NEK6: variants seen among roughly 807,000 people sequenced by gnomAD.
NEK6 encodes the protein serine/threonine-protein kinase Nek6.
NEK6 carries 27 observed loss-of-function variants against 43.5 expected under a neutral mutation model. That is an observed-to-expected ratio of 0.62 (90% confidence interval 0.46 to 0.86). The LOEUF is 0.86. Ranked by LOEUF, NEK6 falls within the 40% of genes least tolerant of loss-of-function variation. NEK6 has a pLI of 0.00. For synonymous variants in NEK6, 167 were observed against 164.1 expected (o/e 1.02, Z -0.14); for missense variants, 318 against 414.4 (o/e 0.77, Z 2.02).
intron 1 of NEK6, among the ~76,000 whole-genome samples, chr9:124,260,388 T>A (rs1003066424): frequency 6.6e-6 from 1 of 152,064 alleles, no homozygotes; most frequent in Non-Finnish European, 1.5e-5. Flanking sequence ...CCATTTATTT[T>A]TATTTATTTA....
chr9:124,347,119 A>C (rs1266382237), intron 8 of NEK6, among the ~76,000 whole-genome samples: 1 of 152,190 alleles, frequency 6.6e-6, no homozygotes, highest in Non-Finnish European at 1.5e-5. Flanking sequence ...CAGGGGCAGG[A>C]GGCTGCCTCC....
chr9:124,336,582 G>A (rs1001337341), intron 7 of NEK6, among the ~76,000 whole-genome samples: 5 of 152,124 alleles, frequency 3.3e-5, no homozygotes, highest in Non-Finnish European at 7.3e-5. Context: ...CATGTCACAG[G>A]CCACATCTCA....
At chr9:124,308,483 C>T (rs1833368250) in intron 2 of NEK6, among the ~76,000 whole-genome samples, 1 of 151,910 alleles carries the variant, frequency 6.6e-6, no homozygotes, top group Non-Finnish European at 1.5e-5. Context: ...GAAACCCCAT[C>T]TCTACTAAAA....
At chr9:124,259,635 C>T (rs1830949051) in intron 1 of NEK6, 1 of 152,144 alleles carries the variant, frequency 6.6e-6, no homozygotes, top group African/African-American at 2.4e-5. Context: ...CCCCCACCCC[C>T]AAATAAAATA....
chr9:124,290,188 A>T (rs4838152), intron 1 of NEK6, among the ~76,000 whole-genome samples: 1 of 152,100 alleles, frequency 6.6e-6, no homozygotes, highest in African/African-American at 2.4e-5. Context: ...CTGGGGGCTC[A>T]CGGTGACTCT....
intron 7 of NEK6, among the ~76,000 whole-genome samples, chr9:124,333,537 C>T (rs542949730): frequency 6.6e-6 from 1 of 152,230 alleles, no homozygotes; most frequent in African/African-American, 2.4e-5. Context: ...CCTTCACTTT[C>T]TTTACCTTTC....
chr9:124,325,842 T>G (rs1003041398), intron 5 of NEK6, among the ~76,000 whole-genome samples: 2 of 152,250 alleles, frequency 1.3e-5, no homozygotes, highest in African/African-American at 4.8e-5. Context: ...CACTGAGATC[T>G]GCTGGTTCCG....
chr9:124,299,520 G>A (rs1330259728), intron 1 of NEK6, among the ~76,000 whole-genome samples: 1 of 152,160 alleles, frequency 6.6e-6, no homozygotes, highest in Non-Finnish European at 1.5e-5. Context: ...GTCACCTTGG[G>A]ATGTCACCTG....
chr9:124,314,950 G>A (rs1468103726), intron 4 of NEK6, among the ~76,000 whole-genome samples: 3 of 152,174 alleles, frequency 2.0e-5, no homozygotes, highest in African/African-American at 7.2e-5. Context: ...GGGAGCCACC[G>A]CACCCGGCCC....
At chr9:124,263,624 C>T (rs1235638787) in intron 1 of NEK6, among the ~76,000 whole-genome samples, 1 of 152,310 alleles carries the variant, frequency 6.6e-6, no homozygotes. Context: ...GTCACTCAGC[C>T]GGGACCCTTG....
intron 1 of NEK6, among the ~76,000 whole-genome samples, chr9:124,273,541 AGGGT>A (rs2118934911): frequency 6.6e-6 from 1 of 152,300 alleles, no homozygotes; most frequent in Non-Finnish European, 1.5e-5. Flanking sequence ...ACCGACAGCC[AGGGT>A]GATGGGGTTT....
In NEK6 at chr9:124,314,053, A is replaced by G. The variant is rs1250564559; in HGVS notation, c.294+68A>G. ...GGTTCTGGGGCCGCGGCTGGGCCAC[A>G]TCATGTCCATCACAGCCCTTGGGTG... On this transcript the variant is annotated intron_variant, in intron 4 of 9. Coordinates refer to ENST00000320246, the MANE Select transcript of NEK6 (RefSeq NM_014397.6). 24 of 1,393,170 alleles carry G rather than the reference A, an allele frequency of 1.7e-5. 1 individual carries two copies. In the Admixed American group the frequency reaches 4.2e-4, roughly 25 times the overall value. 86.3% of individuals were successfully genotyped at this position (1,393,170 alleles called of 1,614,324 possible).
Position 124,348,355 on chromosome 9 carries a change from C to T in NEK6, c.831+533C>T, listed in dbSNP as rs139560450. On this transcript the variant is annotated intron_variant, in intron 9 of 9. Coordinates refer to ENST00000320246, the MANE Select transcript of NEK6 (RefSeq NM_014397.6). ...AGCCGTGGACACAGCTCCCATGGGTCTGGCATGGGGCTGTACCAGTTACTA... is the reference window on the plus strand; with the variant it reads ...AGCCGTGGACACAGCTCCCATGGGTTTGGCATGGGGCTGTACCAGTTACTA... Among the ~76,000 whole-genome samples the T allele has an allele frequency of 9.5e-3, 1,454 of 152,328 alleles. 18 individuals are homozygous for T. The highest frequency in any genetic ancestry group is 0.065 in the Middle Eastern group (19 of 294).
intron 1 of NEK6, among the ~76,000 whole-genome samples, chr9:124,295,393 C>T (rs1054562519): frequency 2.6e-5 from 4 of 152,148 alleles, no homozygotes; most frequent in Admixed American, 6.5e-5. Context: ...GAATGGGCAA[C>T]GTCTGCTTAT....
intron 1 of NEK6, among the ~76,000 whole-genome samples, chr9:124,290,455 G>A (rs1214570588): frequency 1.3e-5 from 2 of 152,272 alleles, no homozygotes; most frequent in Non-Finnish European, 2.9e-5. Flanking sequence ...GTGTCAGGTG[G>A]CGGAGCCTCG....
intron 1 of NEK6, chr9:124,292,192 C>T: frequency 1.6e-6 from 2 of 1,249,054 alleles, no homozygotes; most frequent in Non-Finnish European, 2.1e-6. Flanking sequence ...AGGGCTGGAG[C>T]TCCAGGGACC....
At chr9:124,260,458 A>G (rs1475844669) in intron 1 of NEK6, among the ~76,000 whole-genome samples, 4 of 152,212 alleles carry the variant, frequency 2.6e-5, no homozygotes, top group East Asian at 3.9e-4. Flanking sequence ...CAGTGGCGCA[A>G]TCTCAGCTCC....
chr9:124,346,894 C>T (rs4836974), intron 8 of NEK6, among the ~76,000 whole-genome samples: 151,988 of 152,360 alleles, frequency 1, 75,809 homozygotes, highest in Middle Eastern at 1. Flanking sequence ...TCATCAAAGG[C>T]GGTCTTGGCC....
chr9:124,306,597 A>G (rs1588488704), intron 2 of NEK6, among the ~76,000 whole-genome samples: 1 of 152,284 alleles, frequency 6.6e-6, no homozygotes, highest in South Asian at 2.1e-4. Context: ...CTGATGTCAT[A>G]ATCTGCCATC....
Sources: allele counts gnomAD v4.1 joint callset (sites outside exome capture counted in the v4.1 genomes callset), GRCh38; gene constraint gnomAD v4.1.1; transcripts MANE v1.5; gene names NCBI Gene and HGNC (gene_info 2026-07-23, HGNC 2026-07-21).